DCTN4: variants seen among roughly 807,000 people sequenced by gnomAD.
DCTN4 encodes dynactin 4 (p62).
DCTN4 carries 23 observed loss-of-function variants against 62.7 expected under a neutral mutation model. That is an observed-to-expected ratio of 0.37 (90% CI 0.26 to 0.52). DCTN4 has a LOEUF of 0.52. Among genes scored for constraint, DCTN4 ranks in the 20% least tolerant of loss-of-function variants. The pLI is 0.92. For synonymous variants in DCTN4, 199 were observed against 202.1 expected, an observed-to-expected ratio of 0.98 and a Z score of 0.13; for missense variants, 514 against 580.4, an observed-to-expected ratio of 0.89 and a Z score of 1.18.
intron 11 of DCTN4, among the ~76,000 whole-genome samples, chr5:150,716,962 A>G (rs539186727): frequency 6.6e-6 from 1 of 151,724 alleles, no homozygotes; most frequent in South Asian, 2.1e-4. Flanking sequence ...AATAAGTGTT[A>G]TCTCTCTTTG....
intron 1 of DCTN4, chr5:150,758,218 T>C: frequency 1.0e-6 from 1 of 985,596 alleles, no homozygotes; most frequent in Non-Finnish European, 1.2e-6. Context: ...GGGTCTTCTT[T>C]TTGAAAAATC....
intron 4 of DCTN4, among the ~76,000 whole-genome samples, chr5:150,738,140 A>C (rs983105587): frequency 1.3e-5 from 2 of 151,930 alleles, no homozygotes; most frequent in African/African-American, 2.4e-5. Context: ...ACTGTCCACA[A>C]AAAAAAAGCC....
At chr5:150,721,833 T>G (rs1759963639) in intron 9 of DCTN4, among the ~76,000 whole-genome samples, 1 of 152,206 alleles carries the variant, frequency 6.6e-6, no homozygotes, top group South Asian at 2.1e-4. Context: ...AAAAAATTTT[T>G]TTTTCCTTAG....
intron 8 of DCTN4, 103 bp downstream of exon 8, chr5:150,730,528 T>TATTTA: frequency 1.0e-6 from 1 of 979,870 alleles, no homozygotes; most frequent in Non-Finnish European, 1.6e-6. Flanking sequence ...GTATTTTCTG[T>TATTTA]ATTTAATACA....
intron 8 of DCTN4, among the ~76,000 whole-genome samples, chr5:150,729,042 CTTTTTTTTTTTTTTTTTT>C (rs61106544): frequency 3.5e-4 from 18 of 52,152 alleles, no homozygotes; most frequent in East Asian, 2.1e-3. Flanking sequence ...ACCACACTGG[CTTTTTTTTTTTTTTTTTT>C]TTTTTTTTTT....
intron 5 of DCTN4, chr5:150,731,769 C>T (rs1760379250): frequency 1.3e-5 from 12 of 957,826 alleles, no homozygotes; most frequent in East Asian, 2.6e-5. Flanking sequence ...ATCTAAGCTA[C>T]GGCTCAGGCA....
At chr5:150,733,246 T>G (rs1760450870) in intron 5 of DCTN4, 122 bp downstream of exon 5, 1 of 612,248 alleles carries the variant, frequency 1.6e-6, no homozygotes, top group Non-Finnish European at 2.8e-6. Flanking sequence ...CGTCTATAAT[T>G]TGAAGAATCC....
intron 8 of DCTN4, among the ~76,000 whole-genome samples, chr5:150,724,641 T>C (rs147669534): frequency 5.9e-5 from 9 of 152,318 alleles, no homozygotes; most frequent in African/African-American, 1.7e-4. Context: ...AATTTTATTT[T>C]CTTCCATATA....
At chr5:150,711,699 T>G (rs1561685180) in intron 12 of DCTN4, among the ~76,000 whole-genome samples, 1 of 152,132 alleles carries the variant, frequency 6.6e-6, no homozygotes, top group Non-Finnish European at 1.5e-5. Context: ...GTATATTTTT[T>G]GGTGGAGATG....
chr5:150,711,430 T>A, intron 12 of DCTN4, 68 bp from the exon 13 acceptor site: 1 of 1,251,146 alleles, frequency 8.0e-7, no homozygotes, highest in Non-Finnish European at 1.1e-6. Flanking sequence ...AGACTTACAG[T>A]AAAAGTCTTT....
chr5:150,752,763 T>G (rs1752722314), intron 3 of DCTN4, among the ~76,000 whole-genome samples: 1 of 152,232 alleles, frequency 6.6e-6, no homozygotes, highest in Non-Finnish European at 1.5e-5. Flanking sequence ...TTCTACTAAG[T>G]CTTTTTCTTA....
intron 11 of DCTN4, among the ~76,000 whole-genome samples, chr5:150,716,282 A>G (rs911881529): frequency 2.0e-5 from 3 of 152,120 alleles, no homozygotes; most frequent in Non-Finnish European, 4.4e-5. Context: ...GATACATCTG[A>G]AACAGTCCAT....
intron 1 of DCTN4, chr5:150,757,903 A>T: frequency 5.3e-6 from 1 of 189,344 alleles, no homozygotes; most frequent in Non-Finnish European, 9.8e-6. Context: ...CCCCCAAATT[A>T]CTGGCTGTGT....
At chr5:150,741,910 C>T (rs541706800) in intron 4 of DCTN4, among the ~76,000 whole-genome samples, 4 of 152,198 alleles carry the variant, frequency 2.6e-5, no homozygotes, top group Admixed American at 2.0e-4. Context: ...TAAAGCTACA[C>T]CTAGGATTCT....
chr5:150,727,028 A>G (rs1160451870), intron 8 of DCTN4, among the ~76,000 whole-genome samples: 4 of 152,138 alleles, frequency 2.6e-5, no homozygotes, highest in Non-Finnish European at 1.5e-5. Context: ...AATGTTTTTA[A>G]TAATATGGTG....
intron 3 of DCTN4, among the ~76,000 whole-genome samples, chr5:150,749,982 CTG>C (rs1295489029): frequency 6.6e-6 from 1 of 152,146 alleles, no homozygotes; most frequent in East Asian, 1.9e-4. Context: ...ACAGGAAAGA[CTG>C]TAATGTAAGA....
chr5:150,749,687 A>G (rs1752603234), intron 3 of DCTN4, among the ~76,000 whole-genome samples: 1 of 152,096 alleles, frequency 6.6e-6, no homozygotes, highest in South Asian at 2.1e-4. Flanking sequence ...ATAGTTTGGC[A>G]GCTTCTAGAC....
At chr5:150,748,817 T>G (rs1462280396) in intron 3 of DCTN4, among the ~76,000 whole-genome samples, 1 of 142,342 alleles carries the variant, frequency 7.0e-6, no homozygotes, top group Non-Finnish European at 1.5e-5. Context: ...GGGATAGCAT[T>G]AGGAGATATA....
intron 3 of DCTN4, among the ~76,000 whole-genome samples, 175 bp downstream of exon 3, chr5:150,753,304 T>G (rs189575880): frequency 3.3e-4 from 50 of 152,250 alleles, no homozygotes; most frequent in African/African-American, 1.1e-3. Context: ...TTATCCCATC[T>G]CAGATAAAAC....
Sources: allele counts gnomAD v4.1 joint callset (sites outside exome capture counted in the v4.1 genomes callset), GRCh38; gene constraint gnomAD v4.1.1; transcripts MANE v1.5; gene names NCBI Gene and HGNC (gene_info 2026-07-23, HGNC 2026-07-21).